Variants in CCDC102B observed in about 807,000 individuals in gnomAD.
CCDC102B encodes coiled-coil domain-containing protein 102B.
A neutral mutation model predicts 57.4 loss-of-function variants in CCDC102B; 75 were observed. The ratio of observed to expected loss-of-function variants is 1.31; its 90% confidence interval spans 1.08 to 1.58. The LOEUF (loss-of-function observed/expected upper bound fraction) is 1.58, where lower values mean the gene tolerates loss of function less well. Among genes scored for constraint, CCDC102B ranks in the 40% most tolerant of loss-of-function variants. CCDC102B has a pLI of 0.00. For missense variants in CCDC102B, 636 were observed against 582.6 expected (o/e 1.09, Z -0.94); for synonymous variants, 206 against 201.9 (o/e 1.02, Z -0.17).
At chr18:68,947,479 A>T (rs1232231108) in intron 6 of CCDC102B, among the ~76,000 whole-genome samples, 1 of 152,026 alleles carries the variant, frequency 6.6e-6, no homozygotes, top group Non-Finnish European at 1.5e-5. Context: ...AGGGAGAGAG[A>T]TGGCTATATT....
At chr18:68,758,783 G>C (rs1186426824) in intron 2 of CCDC102B, among the ~76,000 whole-genome samples, 1 of 151,660 alleles carries the variant, frequency 6.6e-6, no homozygotes, top group East Asian at 1.9e-4. Context: ...CATTAACGAG[G>C]CAGAGGGGTT....
chr18:69,051,571 G>T (rs934256411), intron 7 of CCDC102B, among the ~76,000 whole-genome samples: 1 of 151,852 alleles, frequency 6.6e-6, no homozygotes, highest in Admixed American at 6.6e-5. Flanking sequence ...AATAATCAAG[G>T]TATTTCTGAG....
At chr18:69,031,281 A>G (rs1325189253) in intron 7 of CCDC102B, among the ~76,000 whole-genome samples, 1 of 152,170 alleles carries the variant, frequency 6.6e-6, no homozygotes, top group Non-Finnish European at 1.5e-5. Context: ...AAATTTAAAA[A>G]TAATCATCAA....
At position 68,956,506 on chromosome 18, in the gene CCDC102B, TATATATATCGCATA is replaced by T. The variant is rs1320688285; in HGVS notation, c.1264-54427_1264-54414del. Among the ~76,000 whole-genome samples, 71 of 19,440 alleles carry T rather than the reference TATATATATCGCATA, an allele frequency of 3.7e-3. 9 individuals are homozygous for T. Among genetic ancestry groups the T allele is most frequent in the African/African-American group, 0.015 (35 of 2,338 alleles). 12.8% of individuals were successfully genotyped at this position (19,440 alleles called of 152,430 possible). A position where few individuals can be genotyped will look rare whatever the true frequency, so the allele number is the denominator to read the frequency against. On this transcript the variant is annotated intron_variant, in intron 6 of 7. Transcript: ENST00000360242. ...TATAATATATATATAAAATATATAA[TATATATATCGCATA>T]TTATATATATTATATATTTTATATA...
chr18:68,992,860 C>G (rs1443759949), intron 6 of CCDC102B: 1 of 165,760 alleles, frequency 6.0e-6, no homozygotes, highest in African/African-American at 2.4e-5. Flanking sequence ...GGTGAGAAGC[C>G]CTACGGCACA....
At position 68,837,270 on chromosome 18, in the gene CCDC102B, A is replaced by G. The variant is rs751305632; in HGVS notation, c.507A>G (p.Glu169=). The part of the protein sequence containing the change: ...KLPGFVEESC[E]HTDQFQLSSQ... ...CTGGCTTCGTAGAAGAATCCTGTGA[A>G]CATACAGACCAATTTCAATTGAGTT... The change falls in exon 2 of 8, where the codon GAA becomes GAG. Residue 169 remains glutamate (E), a synonymous_variant. Coordinates refer to ENST00000360242, the MANE Select transcript of CCDC102B (RefSeq NM_024781.3). The G allele has an allele frequency of 6.2e-7, 1 of 1,614,180 alleles. No homozygotes were observed. Among genetic ancestry groups the G allele is most frequent in the South Asian group, 1.1e-5 (1 of 91,086 alleles).
chr18:68,838,802 G>A lies in CCDC102B; in HGVS notation c.703G>A (p.Gly235Ser), dbSNP rs61910729. 5.6e-4 allele frequency: 904 copies of A among 1,613,986 alleles called. 4 individuals carry two copies. The African/African-American group carries it at 9.5e-3, about 17-fold the overall frequency. ...DLFNNGGSGNGETKTGLRLKA... is the reference protein window; with the variant it reads ...DLFNNGGSGNSETKTGLRLKA... ...ATTCAACAATGGTGGTTCTGGAAAC[G>A]GTGAAACGAAAACTGGGCTGAGACT... The change falls in exon 3 of 8, where the codon GGT becomes AGT. Residue 235 changes from glycine to serine, a missense_variant. Transcript: ENST00000360242.
intron 6 of CCDC102B, among the ~76,000 whole-genome samples, chr18:68,980,729 T>A (rs1389710190): frequency 1.3e-5 from 2 of 151,942 alleles, no homozygotes; most frequent in Admixed American, 1.3e-4. Context: ...GGCAGAACAG[T>A]CCCAGAATGT....
At chr18:68,934,172 G>A (rs2041770739) in intron 6 of CCDC102B, among the ~76,000 whole-genome samples, 1 of 151,910 alleles carries the variant, frequency 6.6e-6, no homozygotes, top group South Asian at 2.1e-4. Flanking sequence ...TAGTGTAGTA[G>A]CAAATAATTT....
intron 7 of CCDC102B, among the ~76,000 whole-genome samples, chr18:69,016,299 A>C (rs2051666604): frequency 6.6e-6 from 1 of 152,206 alleles, no homozygotes; most frequent in East Asian, 1.9e-4. Context: ...AATAAGCAAA[A>C]CTTTTAGAAA....
Position 68,720,711 on chromosome 18 carries a change from C to T in CCDC102B, c.-67+4117C>T, listed in dbSNP as rs1412028513. Among the ~76,000 whole-genome samples, 8 of 150,788 alleles carry T rather than the reference C, an allele frequency of 5.3e-5. 1 individual carries two copies. Among genetic ancestry groups the T allele is most frequent in the Admixed American group, 2.6e-4 (4 of 15,234 alleles). On this transcript the variant is annotated intron_variant, in intron 2 of 3. Transcript: ENST00000578970. The stretch of plus-strand genomic sequence containing the variant: ...TTTGTAAGCATTGCTACATGAAGCC[C>T]GGTGAGTCTTTTTTAGCAAGTGAAC...
chr18:68,896,153 AC>A (rs1290668941), intron 5 of CCDC102B, among the ~76,000 whole-genome samples: 1 of 152,038 alleles, frequency 6.6e-6, no homozygotes, highest in Non-Finnish European at 1.5e-5. Flanking sequence ...TAATTTAGAG[AC>A]AAAAAAGCTA....
At chr18:69,018,846 T>C (rs548785329) in intron 7 of CCDC102B, among the ~76,000 whole-genome samples, 34 of 152,232 alleles carry the variant, frequency 2.2e-4, no homozygotes, top group African/African-American at 7.7e-4. Context: ...CCAAGAATAA[T>C]GCCAAGGAGA....
intron 5 of CCDC102B, among the ~76,000 whole-genome samples, chr18:68,894,690 A>G (rs1212887144): frequency 6.6e-6 from 1 of 151,886 alleles, no homozygotes; most frequent in Admixed American, 6.6e-5. Flanking sequence ...TTATAATTTT[A>G]TAAGACTTTT....
intron 3 of CCDC102B, among the ~76,000 whole-genome samples, chr18:68,842,973 G>C (rs1214034615): frequency 6.6e-6 from 1 of 152,168 alleles, no homozygotes; most frequent in Non-Finnish European, 1.5e-5. Context: ...TGGCATGAGA[G>C]TTGGTCTTGG....
At chr18:68,719,618 A>G (rs2032217436) in intron 2 of CCDC102B, among the ~76,000 whole-genome samples, 3 of 152,074 alleles carry the variant, frequency 2.0e-5, no homozygotes, top group African/African-American at 7.2e-5. Context: ...CCCCCAACAA[A>G]TTGGGGAGGC....
intron 3 of CCDC102B, among the ~76,000 whole-genome samples, chr18:68,841,418 T>C (rs186701052): frequency 6.6e-6 from 1 of 152,328 alleles, no homozygotes; most frequent in Non-Finnish European, 1.5e-5. Context: ...TGTATAAAAG[T>C]TTCTCATATA....
chr18:69,008,560 A>G (rs1411976444), intron 6 of CCDC102B, among the ~76,000 whole-genome samples: 5 of 152,190 alleles, frequency 3.3e-5, no homozygotes, highest in Non-Finnish European at 7.3e-5. Context: ...TTTGACGCTC[A>G]TGTCTTCAGT....
rs756559679 is a variant in CCDC102B, at chr18:68,837,173, T to C, written c.410T>C (p.Leu137Pro). Residue 137 changes from leucine (L) to proline (P), a missense_variant, in exon 2 of 8, where the codon CTG (leucine) becomes CCG (proline). By Grantham distance (98) the Leu-to-Pro change is moderately conservative (BLOSUM62 -3). Coordinates refer to ENST00000360242, the MANE Select transcript of CCDC102B (RefSeq NM_024781.3). ...ATGGCGATGAAAGAATTGAGTACAC[T>C]GAAAAAGAAACAGAGTTTGCCACCT... ...LEMAMKELSTLKKKQSLPPQK... is the reference protein window; with the variant it reads ...LEMAMKELSTPKKKQSLPPQK... The C allele has an allele frequency of 1.9e-6, 3 of 1,614,072 alleles. No individual in the cohort carries two copies. The highest frequency in any genetic ancestry group is 2.2e-5 in the South Asian group (2 of 91,080).
Sources: gnomAD v4.1 joint callset for allele counts (sites outside exome capture counted in the v4.1 genomes callset) on GRCh38, gnomAD v4.1.1 for gene constraint, MANE v1.5 for transcripts, NCBI Gene and HGNC (gene_info 2026-07-23, HGNC 2026-07-21) for gene names.